The following MEGF11 variants were observed in gnomAD, a reference collection of about 807,000 sequenced individuals.
The protein encoded by MEGF11 is multiple epidermal growth factor-like domains protein 11.
MEGF11 carries 126 observed loss-of-function variants against 146.6 expected under a neutral mutation model. The ratio of observed to expected loss-of-function variants is 0.86; its 90% CI spans 0.74 to 1.00. The LOEUF (loss-of-function observed/expected upper bound fraction) is 1.00. MEGF11 is among the 50% of genes least tolerant of loss of function. MEGF11 has a pLI of 0.00. For missense variants in MEGF11, 1,509 were observed against 1,521.2 expected (o/e 0.99, Z 0.13); for synonymous variants, 532 against 583.4 (o/e 0.91, Z 1.27).
intron 1 of MEGF11, among the ~76,000 whole-genome samples, chr15:66,187,371 G>A (rs2090737218): frequency 6.6e-6 from 1 of 152,132 alleles, no homozygotes; most frequent in African/African-American, 2.4e-5. Context: ...ACACACAGGG[G>A]AGCCCAGCTC....
At chr15:66,170,084 CT>C (rs1750271508) in intron 1 of MEGF11, among the ~76,000 whole-genome samples, 1 of 152,086 alleles carries the variant, frequency 6.6e-6, no homozygotes, top group Non-Finnish European at 1.5e-5. Context: ...TTTTGTTCAT[CT>C]TTCTACCAAA....
chr15:66,245,222 G>C (rs753681315), intron 1 of MEGF11, among the ~76,000 whole-genome samples: 1 of 152,154 alleles, frequency 6.6e-6, no homozygotes, highest in South Asian at 2.1e-4. Context: ...GGTAGGGACT[G>C]GGGAGGCAGG....
At chr15:66,018,047 G>A (rs1400727045) in intron 5 of MEGF11, among the ~76,000 whole-genome samples, 12 of 152,206 alleles carry the variant, frequency 7.9e-5, no homozygotes, top group Non-Finnish European at 1.5e-5. Flanking sequence ...GAGAGGGAGC[G>A]GGGAGGAAGG....
intron 1 of MEGF11, among the ~76,000 whole-genome samples, chr15:66,220,072 C>G (rs2091693996): frequency 6.6e-6 from 1 of 152,142 alleles, no homozygotes; most frequent in South Asian, 2.1e-4. Context: ...GAGAAGGCCA[C>G]GTGAAGACCA....
At chr15:65,912,501 C>T (rs2078845972) in intron 20 of MEGF11, 2 of 214,464 alleles carry the variant, frequency 9.3e-6, no homozygotes, top group Non-Finnish European at 1.8e-5. Context: ...GATAGCCTTA[C>T]ATGTCCCTGA....
At chr15:66,063,108 G>A (rs547371595) in intron 5 of MEGF11, among the ~76,000 whole-genome samples, 1 of 152,344 alleles carries the variant, frequency 6.6e-6, no homozygotes, top group African/African-American at 2.4e-5. Context: ...TATTTTCACT[G>A]CTGTGAAATT....
At chr15:66,162,288 T>G (rs1047753253) in intron 1 of MEGF11, among the ~76,000 whole-genome samples, 1 of 152,192 alleles carries the variant, frequency 6.6e-6, no homozygotes, top group Non-Finnish European at 1.5e-5. Context: ...TGAATGTGCT[T>G]ACTGCCACCA....
intron 1 of MEGF11, among the ~76,000 whole-genome samples, chr15:66,188,653 T>A (rs564717959): frequency 5.9e-5 from 9 of 152,310 alleles, no homozygotes; most frequent in Admixed American, 5.2e-4. Context: ...CACCAGTAGA[T>A]ACCAGTACCT....
chr15:65,972,748 A>C (rs2081333718), intron 7 of MEGF11, among the ~76,000 whole-genome samples: 1 of 152,242 alleles, frequency 6.6e-6, no homozygotes, highest in South Asian at 2.1e-4. Context: ...AGACATTTTC[A>C]GATTTGAACA....
At chr15:65,957,310 GAAGGCAA>G (rs1423236822) in intron 10 of MEGF11, among the ~76,000 whole-genome samples, 1 of 152,182 alleles carries the variant, frequency 6.6e-6, no homozygotes, top group African/African-American at 2.4e-5. Flanking sequence ...GGGCACAAAG[GAAGGCAA>G]CCTTCAGAGT....
intron 5 of MEGF11, among the ~76,000 whole-genome samples, chr15:66,032,442 A>G (rs1297156862): frequency 2.6e-5 from 4 of 152,234 alleles, no homozygotes; most frequent in African/African-American, 9.6e-5. Context: ...CTGCATTGTG[A>G]ACAGAGCATT....
chr15:66,239,119 A>C (rs544742619), intron 1 of MEGF11, among the ~76,000 whole-genome samples: 1 of 152,316 alleles, frequency 6.6e-6, no homozygotes, highest in Non-Finnish European at 1.5e-5. Context: ...TCTCTGACCC[A>C]CTTCAGAATG....
chr15:66,037,378 G>A (rs1011725120), intron 5 of MEGF11, among the ~76,000 whole-genome samples: 1 of 152,204 alleles, frequency 6.6e-6, no homozygotes, highest in Non-Finnish European at 1.5e-5. Flanking sequence ...TTTCGTATCT[G>A]AGCTCTACTG....
intron 1 of MEGF11, among the ~76,000 whole-genome samples, chr15:66,207,169 A>G (rs1484686100): frequency 2.0e-5 from 3 of 152,234 alleles, no homozygotes; most frequent in East Asian, 3.8e-4. Context: ...TCCCAAATTT[A>G]ATGCAAAACA....
Position 65,990,703 on chromosome 15 carries a change from GAAA to G in MEGF11, c.395-8218_395-8216del, listed in dbSNP as rs1567192834. Among the ~76,000 whole-genome samples, 409 of 58,776 alleles carry G rather than the reference GAAA, an allele frequency of 7.0e-3. 2 individuals are homozygous for G. The highest frequency in any genetic ancestry group is 0.029 in the African/African-American group (393 of 13,690). 38.6% of individuals were successfully genotyped at this position (58,776 alleles called of 152,430 possible). ...AAAGGAAGAAAGGAAGAGAAAGAAAGAAAGGAAGGAAGAAAGAAAGAAAGAAAG... is the reference window on the plus strand; with the variant it reads ...AAAGGAAGAAAGGAAGAGAAAGAAAGGGAAGGAAGAAAGAAAGAAAGAAAG... On this transcript the variant is annotated intron_variant, in intron 5 of 25. Transcript: ENST00000395614.
At chr15:65,898,549 G>C (rs2078410514) in intron 25 of MEGF11, 179 bp downstream of exon 25, 8 of 985,102 alleles carry the variant, frequency 8.1e-6, no homozygotes, top group Non-Finnish European at 9.6e-6. Context: ...ACAATAATTT[G>C]ACTTCCTGCA....
intron 5 of MEGF11, among the ~76,000 whole-genome samples, chr15:66,048,231 G>C (rs924661673): frequency 2.0e-5 from 3 of 152,148 alleles, no homozygotes; most frequent in Non-Finnish European, 2.9e-5. Context: ...CAGGCATGAG[G>C]CACCGCGCCC....
chr15:66,097,156 C>T (rs1014181252), intron 4 of MEGF11, among the ~76,000 whole-genome samples: 1 of 152,248 alleles, frequency 6.6e-6, no homozygotes, highest in Non-Finnish European at 1.5e-5. Context: ...TCAATCCATT[C>T]ATATTTCGTA....
intron 1 of MEGF11, among the ~76,000 whole-genome samples, chr15:66,199,948 A>C (rs2091109414): frequency 6.6e-6 from 1 of 152,000 alleles, no homozygotes; most frequent in South Asian, 2.1e-4. Context: ...AATATGGTAT[A>C]TCTACAAGAT....
Sources: allele counts gnomAD v4.1 joint callset (sites outside exome capture counted in the v4.1 genomes callset), GRCh38; gene constraint gnomAD v4.1.1; transcripts MANE v1.5; gene names NCBI Gene and HGNC (gene_info 2026-07-23, HGNC 2026-07-21).